G6PC2: variants seen among roughly 807,000 people sequenced by gnomAD.
G6PC2 encodes glucose-6-phosphatase catalytic subunit 2, also known as glucose-6-phosphatase 2.
A neutral mutation model predicts 35.4 loss-of-function variants in G6PC2; 41 were observed. The ratio of observed to expected loss-of-function variants is 1.16; its 90% CI spans 0.90 to 1.50. The LOEUF is 1.50. G6PC2 is among the 40% of genes most tolerant of loss of function. G6PC2 has a pLI of 0.00. For missense variants in G6PC2, 441 were observed against 426.5 expected (o/e 1.03, Z -0.30); for synonymous variants, 165 against 153.2 (o/e 1.08, Z -0.57).
Position 168,902,574 on chromosome 2 carries a change from T to C in G6PC2, c.328+20T>C, listed in dbSNP as rs1384515014. 3 of 945,714 alleles carry C rather than the reference T, an allele frequency of 3.2e-6. No homozygotes were observed. Among genetic ancestry groups the C allele is most frequent in the Non-Finnish European group, 5.3e-6 (3 of 568,884 alleles). The allele number at this position is 945,714 out of a possible 1,614,324, so 58.6% of individuals were successfully genotyped here. ...GTCCAGGTAAGCTATTACAGCAGGCTCCAGTTACTGAAGATCTTCCAATAG... is the reference window on the plus strand; with the variant it reads ...GTCCAGGTAAGCTATTACAGCAGGCCCCAGTTACTGAAGATCTTCCAATAG... On this transcript the variant is annotated intron_variant, in intron 2 of 4. Coordinates refer to ENST00000375363, the MANE Select transcript of G6PC2 (RefSeq NM_021176.3).
chr2:168,901,464 C>T lies in G6PC2; in HGVS notation c.133C>T (p.Leu45Phe). 6.2e-7 allele frequency: 1 copy of T among 1,602,346 alleles called. No homozygotes were observed. Among genetic ancestry groups the T allele is most frequent in the Non-Finnish European group, 8.6e-7 (1 of 1,169,298 alleles). The change falls in exon 1 of 5, where the codon CTT (leucine) becomes TTT (phenylalanine). Residue 45 changes from leucine (L) to phenylalanine (F), a missense_variant. Leu to Phe is a conservative substitution (Grantham distance 22). Coordinates refer to ENST00000375363, the MANE Select transcript of G6PC2 (RefSeq NM_021176.3). ...PRNIFFIYFP[L>F]CFQFNQTVGT... is the part of the protein sequence containing the mutation. ...GAATATCTTTTTCATTTATTTTCCACTTTGTTTTCAATTTAATCAGACAGT... is the reference window on the plus strand; with the variant it reads ...GAATATCTTTTTCATTTATTTTCCATTTTGTTTTCAATTTAATCAGACAGT...
intron 1 of G6PC2, 61 bp downstream of exon 1, chr2:168,901,610 C>A: frequency 1.2e-6 from 1 of 857,470 alleles, no homozygotes. Flanking sequence ...GTGACTTCGG[C>A]ATAATGATCA....
intron 1 of G6PC2, 79 bp downstream of exon 1, chr2:168,901,628 G>A (rs1243793273): frequency 2.6e-6 from 2 of 761,812 alleles, no homozygotes; most frequent in Non-Finnish European, 4.5e-6. Context: ...TCACATTTCA[G>A]ATGTATATCG....
chr2:168,906,721 C>T lies in G6PC2; in HGVS notation c.498C>T (p.Ile166=). ...GGTTGATTCAAATCAGTGTCTGCAT[C>T]TCCAGAGTATTCATAGCAACACATT... ...VFWLIQISVC[I]SRVFIATHFP... The change falls in exon 4 of 5, where the codon ATC becomes ATT. Residue 166 remains isoleucine (I), a synonymous_variant. Transcript: ENST00000375363. The T allele has an allele frequency of 6.2e-7, 1 of 1,607,496 alleles. No individual in the cohort carries two copies. The highest frequency in any genetic ancestry group is 8.5e-7 in the Non-Finnish European group (1 of 1,173,994).
chr2:168,907,441 G>A, intron 4 of G6PC2, 127 bp from the exon 5 acceptor site: 1 of 973,486 alleles, frequency 1.0e-6, no homozygotes, highest in African/African-American at 1.6e-5. Context: ...TTGGAAAATG[G>A]ATAGAACCTC....
intron 2 of G6PC2, among the ~76,000 whole-genome samples, chr2:168,903,881 T>G (rs1029170159): frequency 1.5e-4 from 23 of 152,140 alleles, no homozygotes; most frequent in Admixed American, 2.6e-4. Context: ...TAATGCCGTC[T>G]TTATAGCTTC....
At position 168,909,449 on chromosome 2, in the gene G6PC2, G is replaced by C. The variant is rs1471769165; in HGVS notation, c.*1370G>C. The stretch of plus-strand genomic sequence containing the variant: ...AGAGAAATCAGGTGCCTTCCTCAAG[G>C]TCATGCTCCAACCCAGGCCAACTAT... On this transcript the variant is annotated 3_prime_UTR_variant, in exon 5 of 5. Coordinates refer to ENST00000375363, the MANE Select transcript of G6PC2 (RefSeq NM_021176.3). 6.6e-6 allele frequency: 1 copy of C among 152,176 alleles called. No individual in the cohort carries two copies. The highest frequency in any genetic ancestry group is 6.5e-5 in the Admixed American group (1 of 15,276). The allele number at this position is 152,176 out of a possible 1,614,324, so 9.4% of individuals were successfully genotyped here.
In G6PC2 at chr2:168,904,489, C is replaced by T; in HGVS notation, c.329-16C>T. ...GTTAACCACTTTTCAAATGGACGGA[C>T]ACTTTGTTGTTGCAGGAAGTCCATC... On this transcript the variant is annotated splice_polypyrimidine_tract_variant and intron_variant, in intron 2 of 4. Transcript: ENST00000375363. 2 of 1,351,108 alleles carry T rather than the reference C, an allele frequency of 1.5e-6. No individual in the cohort carries two copies. The highest frequency in any genetic ancestry group is 2.3e-5 in the South Asian group (2 of 85,812). The allele number at this position is 1,351,108 out of a possible 1,614,324, so 83.7% of individuals were successfully genotyped here. A position where few individuals can be genotyped will look rare whatever the true frequency, so the allele number is the denominator to read the frequency against.
At position 168,908,189 on chromosome 2, in the gene G6PC2, G is replaced by A; in HGVS notation, c.*110G>A. The A allele has an allele frequency of 1.1e-6, 1 of 904,638 alleles. No individual in the cohort carries two copies. The highest frequency in any genetic ancestry group is 1.8e-6 in the Non-Finnish European group (1 of 546,796). 56.0% of individuals were successfully genotyped at this position (904,638 alleles called of 1,614,324 possible). ...GCTTCTAATCCGACTTCACAGAATAGCGGCACAGGCCCCATTCCCCATAGA... is the reference window on the plus strand; with the variant it reads ...GCTTCTAATCCGACTTCACAGAATAACGGCACAGGCCCCATTCCCCATAGA... On this transcript the variant is annotated 3_prime_UTR_variant, in exon 5 of 5. Coordinates refer to ENST00000375363, the MANE Select transcript of G6PC2 (RefSeq NM_021176.3).
In G6PC2 at chr2:168,901,388, C is replaced by T; in HGVS notation, c.57C>T (p.Tyr19=). Residue 19 remains tyrosine (Y), a synonymous_variant, in exon 1 of 5, where the codon TAC becomes TAT. Transcript: ENST00000375363. ...TAATTCAGCATTTGCAGAAGGACTA[C>T]CGAGCTTACTACACTTTTCTAAATT... ...VLIIQHLQKD[Y]RAYYTFLNFM... is the part of the protein sequence containing the mutation. 3 of 1,604,742 alleles carry T rather than the reference C, an allele frequency of 1.9e-6. No homozygotes were observed. The highest frequency in any genetic ancestry group is 2.2e-5 in the South Asian group (2 of 90,898).
At position 168,907,799 on chromosome 2, in the gene G6PC2, T is replaced by G; in HGVS notation, c.788T>G (p.Leu263Arg). Residue 263 changes from leucine (L) to arginine (R), a missense_variant, in exon 5 of 5, where the codon CTT (leucine) becomes CGT (arginine). By Grantham distance (102) the Leu-to-Arg change is moderately radical (BLOSUM62 -2). Transcript: ENST00000375363. ...TTPFAGLVRN[L>R]GVLFGLGFAI... ...CCTTTTGCTGGACTCGTGAGAAACC[T>G]TGGGGTCCTCTTTGGCTTGGGCTTT... 1.2e-6 allele frequency: 2 copies of G among 1,614,086 alleles called. No individual in the cohort carries two copies. The highest frequency in any genetic ancestry group is 1.1e-5 in the South Asian group (1 of 91,068).
chr2:168,904,667 C>A, intron 3 of G6PC2, 51 bp downstream of exon 3: 1 of 961,630 alleles, frequency 1.0e-6, no homozygotes, highest in Non-Finnish European at 1.7e-6. Flanking sequence ...GTTTTTAATA[C>A]AGAAAGTCTT....
chr2:168,902,171 G>A (rs1295979934), intron 1 of G6PC2, among the ~76,000 whole-genome samples: 1 of 152,156 alleles, frequency 6.6e-6, no homozygotes, highest in Non-Finnish European at 1.5e-5. Context: ...GATATTTCCA[G>A]TCTAAGTATC....
In G6PC2 at chr2:168,907,932, C is replaced by A. The variant is rs760250729; in HGVS notation, c.921C>A (p.Tyr307Ter). ...CCTCATTGACAATACTGCAGCTCTA[C>A]CATTTCCTCCAGATCCCGACTCACG... is the stretch of plus-strand genomic sequence containing the variant. Reference protein sequence around the residue: ...ALTSLTILQLYHFLQIPTHEE... With the variant: ...ALTSLTILQL Residue 307 changes from tyrosine (Y) to a stop codon, truncating the protein, a stop_gained, in exon 5 of 5, where the codon TAC becomes TAA. Transcript: ENST00000375363. LOFTEE classifies it high-confidence loss of function. 2.5e-6 allele frequency: 4 copies of A among 1,614,110 alleles called. No homozygotes were observed. The South Asian group carries it at 4.4e-5, about 18-fold the overall frequency.
rs780987763 is a variant in G6PC2, at chr2:168,909,758, A to G, written c.*1679A>G. ...CTCTTCTCAGAATATCAATACATTA[A>G]TTATTTTAGATGACATATTAAATAA... On this transcript the variant is annotated 3_prime_UTR_variant, in exon 5 of 5. Coordinates refer to ENST00000375363, the MANE Select transcript of G6PC2 (RefSeq NM_021176.3). The G allele has an allele frequency of 6.6e-6, 1 of 152,192 alleles. No individual in the cohort carries two copies. Among genetic ancestry groups the G allele is most frequent in the Non-Finnish European group, 1.5e-5 (1 of 68,034 alleles). The allele number at this position is 152,192 out of a possible 1,614,324, so 9.4% of individuals were successfully genotyped here.
In G6PC2 at chr2:168,908,145, G is replaced by A. The variant is rs1690764168; in HGVS notation, c.*66G>A. The A allele has an allele frequency of 1.5e-6, 2 of 1,317,056 alleles. No homozygotes were observed. The highest frequency in any genetic ancestry group is 2.2e-6 in the Non-Finnish European group (2 of 913,304). 81.6% of individuals were successfully genotyped at this position (1,317,056 alleles called of 1,614,324 possible). A position where few individuals can be genotyped will look rare whatever the true frequency, so the allele number is the denominator to read the frequency against. On this transcript the variant is annotated 3_prime_UTR_variant, in exon 5 of 5. Transcript: ENST00000375363. ...TTCTCCATCCACCAGTAGAGCCACA[G>A]AGTAGGCACAGACCAGAGGCTTCTA...
rs747509227 is a variant in G6PC2, at chr2:168,904,556, T to C, written c.380T>C (p.Val127Ala). Residue 127 changes from valine to alanine, a missense_variant, in exon 3 of 5, where the codon GTA (valine) becomes GCA (alanine). Coordinates refer to ENST00000375363, the MANE Select transcript of G6PC2 (RefSeq NM_021176.3). ...MGASCVWYVM[V>A]TAALSHTVCG... ...GCATCCTGTGTCTGGTATGTCATGGTAACCGCTGCCCTGAGCCACACTGTC... is the reference window on the plus strand; with the variant it reads ...GCATCCTGTGTCTGGTATGTCATGGCAACCGCTGCCCTGAGCCACACTGTC... 1 of 1,613,128 alleles carries C rather than the reference T, an allele frequency of 6.2e-7. No homozygotes were observed. Among genetic ancestry groups the C allele is most frequent in the Admixed American group, 1.7e-5 (1 of 60,024 alleles).
chr2:168,902,080 G>A (rs1167945339), intron 1 of G6PC2, among the ~76,000 whole-genome samples: 1 of 152,122 alleles, frequency 6.6e-6, no homozygotes, highest in Non-Finnish European at 1.5e-5. Context: ...CCAAACCCCT[G>A]TAACACATAT....
At chr2:168,904,986 G>T (rs1690676548) in intron 3 of G6PC2, among the ~76,000 whole-genome samples, 1 of 152,190 alleles carries the variant, frequency 6.6e-6, no homozygotes, top group African/African-American at 2.4e-5. Flanking sequence ...TTAACTGGAA[G>T]TTTTGAGAAT....
Sources: gnomAD v4.1 joint callset for allele counts (sites outside exome capture counted in the v4.1 genomes callset) on GRCh38, gnomAD v4.1.1 for gene constraint, MANE v1.5 for transcripts, NCBI Gene and HGNC (gene_info 2026-07-23, HGNC 2026-07-21) for gene names.